DAB1: variants seen among roughly 807,000 people sequenced by gnomAD.
DAB1 encodes the protein disabled homolog 1.
DAB1 carries 15 observed loss-of-function variants against 64.6 expected under a neutral mutation model. The observed-to-expected ratio is 0.23, with a 90% CI of 0.16 to 0.36. The LOEUF is 0.36. Among genes scored for constraint, DAB1 ranks in the 10% least tolerant of loss-of-function variants. The pLI is 1.00. For synonymous variants in DAB1, 235 were observed against 251.9 expected, an observed-to-expected ratio of 0.93 and a Z score of 0.64; for missense variants, 596 against 706.7, an observed-to-expected ratio of 0.84 and a Z score of 1.78.
chr1:58,308,048 A>C (rs550168700), intron 4 of DAB1, among the ~76,000 whole-genome samples: 1 of 152,112 alleles, frequency 6.6e-6, no homozygotes, highest in African/African-American at 2.4e-5. Flanking sequence ...CTCTAGAAAA[A>C]TTCAGCTTAT....
chr1:58,128,521 C>A (rs1653293918), intron 5 of DAB1, among the ~76,000 whole-genome samples: 1 of 133,406 alleles, frequency 7.5e-6, no homozygotes, highest in African/African-American at 2.9e-5. Flanking sequence ...GAGAGGGCAT[C>A]CCTGTCTTGT....
rs190040941 is a variant in DAB1 at position 57,292,987 on chromosome 1, C to T, written c.-136-1821G>A. ...AAAAGCTATGTTTCTGTCAAAAGGA[C>T]GATAAGGGAAAGGACCACCAGCTTC... On this transcript the variant is annotated intron_variant, in intron 1 of 14. Coordinates refer to ENST00000371236, the MANE Select transcript of DAB1 (RefSeq NM_001365792.1). Among the ~76,000 whole-genome samples, 10 of 152,046 alleles carry T rather than the reference C, an allele frequency of 6.6e-5. No homozygotes were observed. The East Asian group carries it at 1.4e-3, about 21-fold the overall frequency.
chr1:57,248,212 C>A lies in DAB1; in HGVS notation c.67+42752G>T, dbSNP rs1039345433. On this transcript the variant is annotated intron_variant, in intron 2 of 14. Transcript: ENST00000371236. ...TAAATAGTGAATCTATTTTATTGTT[C>A]TTTAAATCTGTATTATTTTATTGTT... 7.2e-5 allele frequency among the ~76,000 whole-genome samples: 11 copies of A among 151,786 alleles called. 1 individual carries two copies. The highest frequency in any genetic ancestry group is 6.6e-4 in the Admixed American group (10 of 15,224).
chr1:58,459,025 ATGGTAGCTGTTGTTT>A (rs1645218688), intron 3 of DAB1, among the ~76,000 whole-genome samples: 1 of 152,210 alleles, frequency 6.6e-6, no homozygotes, highest in Non-Finnish European at 1.5e-5. Flanking sequence ...TCCTTAATGC[ATGGTAGCTGTTGTTT>A]TGGATAAGAA....
At chr1:58,230,907 T>C (rs1433752490) in intron 4 of DAB1, among the ~76,000 whole-genome samples, 3 of 152,176 alleles carry the variant, frequency 2.0e-5, no homozygotes, top group Non-Finnish European at 4.4e-5. Flanking sequence ...GTTAAGGCCG[T>C]GAGTTCTGGA....
At chr1:58,116,266 G>A (rs1262781180) in intron 5 of DAB1, among the ~76,000 whole-genome samples, 1 of 152,178 alleles carries the variant, frequency 6.6e-6, no homozygotes, top group Non-Finnish European at 1.5e-5. Flanking sequence ...AAGAGGCTAT[G>A]TTCCTGGAAG....
intron 1 of DAB1, among the ~76,000 whole-genome samples, chr1:57,381,325 C>A (rs946974198): frequency 6.6e-6 from 1 of 152,124 alleles, no homozygotes; most frequent in African/African-American, 2.4e-5. Flanking sequence ...GGGAACAAGC[C>A]TTGGGTAATC....
chr1:58,175,305 C>T (rs974919940), intron 4 of DAB1, among the ~76,000 whole-genome samples: 3 of 152,232 alleles, frequency 2.0e-5, no homozygotes, highest in Admixed American at 6.5e-5. Flanking sequence ...CTGTAGTCAG[C>T]GAGACCACGA....
chr1:57,636,277 G>T (rs1360741789), intron 7 of DAB1, among the ~76,000 whole-genome samples: 1 of 152,056 alleles, frequency 6.6e-6, no homozygotes, highest in Admixed American at 6.6e-5. Flanking sequence ...CAAATTTGCT[G>T]ACACTTTGAT....
At chr1:57,007,724 G>T (rs1646129098) in intron 14 of DAB1, among the ~76,000 whole-genome samples, 1 of 152,166 alleles carries the variant, frequency 6.6e-6, no homozygotes, top group Non-Finnish European at 1.5e-5. Context: ...TGGTGATAAT[G>T]GTTGCAAGGG....
chr1:57,495,740 C>CTAT (rs1644222562), intron 7 of DAB1, among the ~76,000 whole-genome samples: 1 of 152,158 alleles, frequency 6.6e-6, no homozygotes, highest in Non-Finnish European at 1.5e-5. Flanking sequence ...ACTAGTGAGT[C>CTAT]CATAAATCCA....
At position 57,625,020 on chromosome 1, in the gene DAB1, C is replaced by T. The variant is rs144762393; in HGVS notation, n.625+24572G>A. On this transcript the variant is annotated intron_variant and non_coding_transcript_variant, in intron 7 of 20. Coordinates refer to the DAB1 transcript ENST00000485760. ...CAAATGTATTCAAATAATTATAGGACGAAAAGTCAACAACAAGTCAAAGCC... is the reference window on the plus strand; with the variant it reads ...CAAATGTATTCAAATAATTATAGGATGAAAAGTCAACAACAAGTCAAAGCC... 2.1e-4 allele frequency among the ~76,000 whole-genome samples: 32 copies of T among 151,994 alleles called. No homozygotes were observed. The East Asian group carries it at 4.5e-3, about 21-fold the overall frequency.
intron 7 of DAB1, among the ~76,000 whole-genome samples, chr1:57,550,589 A>G (rs1199698911): frequency 4.0e-5 from 6 of 150,800 alleles, no homozygotes; most frequent in Non-Finnish European, 1.5e-5. Flanking sequence ...TCGATCTATC[A>G]TCGATCAGTT....
chr1:58,411,594 G>C (rs1041580857), intron 3 of DAB1, among the ~76,000 whole-genome samples: 1 of 152,156 alleles, frequency 6.6e-6, no homozygotes, highest in Non-Finnish European at 1.5e-5. Context: ...CAAAGAGAAA[G>C]AGAACTACTT....
intron 4 of DAB1, among the ~76,000 whole-genome samples, chr1:57,129,390 C>T (rs548614261): frequency 6.6e-6 from 1 of 152,128 alleles, no homozygotes; most frequent in Non-Finnish European, 1.5e-5. Flanking sequence ...CACAGAGACC[C>T]AATTTTTCCC....
intron 3 of DAB1, among the ~76,000 whole-genome samples, chr1:58,367,243 G>C (rs965552739): frequency 1.3e-5 from 2 of 152,096 alleles, no homozygotes; most frequent in African/African-American, 2.4e-5. Context: ...TTCACATACT[G>C]GTAAAAACTG....
intron 4 of DAB1, among the ~76,000 whole-genome samples, chr1:58,292,052 G>T (rs1160781825): frequency 6.6e-6 from 1 of 152,176 alleles, no homozygotes; most frequent in Non-Finnish European, 1.5e-5. Context: ...GGAGGAATTT[G>T]TCCCCTTTTT....
intron 7 of DAB1, among the ~76,000 whole-genome samples, chr1:57,590,993 A>AT (rs1031220375): frequency 3.9e-5 from 6 of 152,284 alleles, no homozygotes; most frequent in East Asian, 3.9e-4. Context: ...CCAAGAATTT[A>AT]TTTTTTTAAA....
intron 4 of DAB1, among the ~76,000 whole-genome samples, chr1:57,133,543 T>C (rs546020): frequency 0.13 from 20,165 of 152,214 alleles, 1,469 homozygotes; most frequent in South Asian, 0.18. Context: ...TGAACAGCTT[T>C]CACTATTGAT....
Sources: gnomAD v4.1 joint callset for allele counts (sites outside exome capture counted in the v4.1 genomes callset) on GRCh38, gnomAD v4.1.1 for gene constraint, MANE v1.5 for transcripts, NCBI Gene and HGNC (gene_info 2026-07-23, HGNC 2026-07-21) for gene names.